Variants in RASGRP3 observed in about 807,000 individuals in gnomAD.
RASGRP3 encodes ras guanyl-releasing protein 3.
In RASGRP3, 54 loss-of-function variants were observed where a neutral mutation model predicts 82.7. That is an observed-to-expected ratio of 0.65 (90% CI 0.52 to 0.82). RASGRP3 has a LOEUF of 0.82. Among genes scored for constraint, RASGRP3 ranks in the 40% least tolerant of loss-of-function variants. RASGRP3 has a pLI of 0.00. For missense variants in RASGRP3, 861 were observed against 828.9 expected (o/e 1.04, Z -0.48); for synonymous variants, 309 against 300.5 (o/e 1.03, Z -0.29).
rs137900867 is a variant in RASGRP3, at chr2:33,509,055, G to C, written c.-260-2655G>C. ...CAGATCCTAGCTCCCATTTCACCTA[G>C]GTTTGCTTGATATGGTGAAGAGGAC... On this transcript the variant is annotated intron_variant, in intron 1 of 17. Transcript: ENST00000403687. Among the ~76,000 whole-genome samples the C allele has an allele frequency of 5.5e-3, 842 of 152,218 alleles. 18 individuals carry two copies. In the East Asian group the frequency reaches 0.073, roughly 13 times the overall value.
intron 1 of RASGRP3, among the ~76,000 whole-genome samples, chr2:33,504,339 C>G (rs889768915): frequency 6.6e-6 from 1 of 152,098 alleles, no homozygotes; most frequent in Non-Finnish European, 1.5e-5. Context: ...GTCTCTGTCA[C>G]CAGACTTAAT....
At chr2:33,512,380 C>G (rs1487511547) in intron 2 of RASGRP3, among the ~76,000 whole-genome samples, 1 of 152,160 alleles carries the variant, frequency 6.6e-6, no homozygotes, top group Non-Finnish European at 1.5e-5. Context: ...AATATGTCTA[C>G]TCTTCCGTGA....
chr2:33,552,253 T>G (rs1209763809), intron 14 of RASGRP3, among the ~76,000 whole-genome samples: 19 of 152,336 alleles, frequency 1.2e-4, no homozygotes, highest in Non-Finnish European at 2.9e-5. Flanking sequence ...GTTAAAGTTT[T>G]GCCCTTGCTA....
In RASGRP3 at chr2:33,459,279, C is replaced by T. The variant is rs576457142; in HGVS notation, c.-261+11336C>T. 1.4e-4 allele frequency among the ~76,000 whole-genome samples: 22 copies of T among 151,760 alleles called. No individual in the cohort carries two copies. The South Asian group carries it at 2.9e-3, about 20-fold the overall frequency. On this transcript the variant is annotated intron_variant, in intron 2 of 18. Transcript: ENST00000402538. ...CCTCCCGAGTAGCTGGGACTACAGGCGCCCGCCACCACGCCCTGCTAATTT... is the reference window on the plus strand; with the variant it reads ...CCTCCCGAGTAGCTGGGACTACAGGTGCCCGCCACCACGCCCTGCTAATTT...
In RASGRP3 at chr2:33,534,164, T is replaced by C. The variant is rs563716018; in HGVS notation, c.1084-159T>C. On this transcript the variant is annotated intron_variant, in intron 10 of 17. Transcript: ENST00000403687. ...CAGGATTAACGTTTTCTCTTTTAAA[T>C]TTCATTTTCCATCTCTGCGTGCCGT... 1.7e-4 allele frequency: 104 copies of C among 608,468 alleles called. 1 individual carries two copies. In the South Asian group the frequency reaches 2.0e-3, roughly 12 times the overall value. The allele number at this position is 608,468 out of a possible 1,614,324, so 37.7% of individuals were successfully genotyped here.
intron 1 of RASGRP3, among the ~76,000 whole-genome samples, chr2:33,438,386 A>G (rs1665037446): frequency 6.6e-6 from 1 of 152,060 alleles, no homozygotes; most frequent in Non-Finnish European, 1.5e-5. Flanking sequence ...AACAGGGTGA[A>G]ACCCCGTCTC....
chr2:33,563,943 G>C lies in RASGRP3; in HGVS notation c.*1206G>C, dbSNP rs1676973353. On this transcript the variant is annotated 3_prime_UTR_variant, in exon 18 of 18. Transcript: ENST00000403687. ...GATACTGAAAAATAGAGCTGGGACT[G>C]AGCCTGTGAATGACAGGAATGATCT... 6.6e-6 allele frequency: 1 copy of C among 152,212 alleles called. No individual in the cohort carries two copies. Among genetic ancestry groups the C allele is most frequent in the Admixed American group, 6.5e-5 (1 of 15,276 alleles). The allele number at this position is 152,212 out of a possible 1,614,324, so 9.4% of individuals were successfully genotyped here.
chr2:33,508,214 G>A (rs1008724397), intron 1 of RASGRP3, among the ~76,000 whole-genome samples: 3 of 152,168 alleles, frequency 2.0e-5, no homozygotes, highest in Admixed American at 6.5e-5. Context: ...TTGATTTAGA[G>A]ATGCCTGAGA....
At chr2:33,473,550 G>A (rs1224953636), upstream of RASGRP3, among the ~76,000 whole-genome samples, 1 of 152,224 alleles carries the variant, frequency 6.6e-6, no homozygotes, top group Non-Finnish European at 1.5e-5. Context: ...AGCCGAGGTA[G>A]GAGGTGGCCT....
chr2:33,477,495 A>T (rs988279399), intron 1 of RASGRP3, among the ~76,000 whole-genome samples: 1 of 152,114 alleles, frequency 6.6e-6, no homozygotes, highest in Non-Finnish European at 1.5e-5. Context: ...TTCCTTGTTT[A>T]TGACCTGACT....
At chr2:33,449,451 C>T (rs1018301195) in intron 2 of RASGRP3, among the ~76,000 whole-genome samples, 3 of 152,100 alleles carry the variant, frequency 2.0e-5, no homozygotes, top group African/African-American at 7.2e-5. Context: ...CAGAATATTT[C>T]ATGACATTGG....
intron 6 of RASGRP3, 83 bp downstream of exon 6, chr2:33,520,767 T>A: frequency 6.5e-7 from 1 of 1,536,896 alleles, no homozygotes; most frequent in African/African-American, 1.4e-5. Context: ...TTGTTCTGAG[T>A]CCATCCCACT....
intron 11 of RASGRP3, among the ~76,000 whole-genome samples, chr2:33,537,306 A>ACG (rs1673713497): frequency 2.2e-5 from 1 of 45,532 alleles, no homozygotes; most frequent in African/African-American, 1.6e-4. Flanking sequence ...TCTCTAAAAT[A>ACG]CACACACACA....
rs1367352025 is a variant in RASGRP3, at chr2:33,539,301, C to A, written c.1278+91C>A. The A allele has an allele frequency of 2.8e-6, 3 of 1,061,806 alleles. No individual in the cohort carries two copies. In the African/African-American group the frequency reaches 4.8e-5, roughly 17 times the overall value. The allele number at this position is 1,061,806 out of a possible 1,614,324, so 65.8% of individuals were successfully genotyped here. On this transcript the variant is annotated intron_variant, in intron 12 of 17. Transcript: ENST00000403687. Reference sequence around the variant, plus strand: ...CGATTGTCCAGGAATCTGATGGAACCCCTGAAAACAACCCTCTGGCAGGTA... The same window carrying A: ...CGATTGTCCAGGAATCTGATGGAACACCTGAAAACAACCCTCTGGCAGGTA...
At chr2:33,451,964 C>T (rs567472126) in intron 2 of RASGRP3, among the ~76,000 whole-genome samples, 46 of 152,060 alleles carry the variant, frequency 3.0e-4, no homozygotes, top group African/African-American at 1.1e-3. Flanking sequence ...AATGATCTGT[C>T]TTTGAGCTCA....
rs376404638 is a variant in RASGRP3 at position 33,517,566 on chromosome 2, C to T, written c.173+922C>T. Among the ~76,000 whole-genome samples the T allele has an allele frequency of 3.2e-4, 48 of 152,326 alleles. 1 individual carries two copies. The South Asian group carries it at 9.9e-3, about 32-fold the overall frequency. ...TTCAAGCTTCCTCCACTTTCTACTT[C>T]TTCTCTTCATCCTCCTCACAACCTC... On this transcript the variant is annotated intron_variant, in intron 4 of 17. Transcript: ENST00000403687.
intron 11 of RASGRP3, among the ~76,000 whole-genome samples, chr2:33,535,656 C>T (rs955201131): frequency 5.3e-5 from 8 of 152,228 alleles, no homozygotes; most frequent in Admixed American, 2.0e-4. Context: ...AGCATGTTCT[C>T]CTTCCTGCCA....
intron 1 of RASGRP3, among the ~76,000 whole-genome samples, chr2:33,497,092 A>C (rs967048600): frequency 6.6e-6 from 1 of 152,058 alleles, no homozygotes; most frequent in African/African-American, 2.4e-5. Context: ...GTACATTTTA[A>C]TTTGTATTTT....
At chr2:33,487,056 A>G (rs1443786156) in intron 1 of RASGRP3, among the ~76,000 whole-genome samples, 1 of 152,186 alleles carries the variant, frequency 6.6e-6, no homozygotes, top group African/African-American at 2.4e-5. Flanking sequence ...TATTTAATTT[A>G]TATATCCCTA....
Sources: allele counts gnomAD v4.1 joint callset (sites outside exome capture counted in the v4.1 genomes callset), GRCh38; gene constraint gnomAD v4.1.1; transcripts MANE v1.5; gene names NCBI Gene and HGNC (gene_info 2026-07-23, HGNC 2026-07-21).